The following KCNC3 variants were observed in gnomAD, a reference collection of about 807,000 sequenced individuals.
KCNC3 encodes voltage-gated potassium channel KCNC3.
KCNC3 carries 22 observed loss-of-function variants against 43.9 expected under a neutral mutation model. The observed-to-expected ratio is 0.50, with a 90% CI of 0.36 to 0.72. The LOEUF is 0.72. Among genes scored for constraint, KCNC3 ranks in the 30% least tolerant of loss-of-function variants. The probability of loss-of-function intolerance (pLI) is 0.00; values close to 1 mark genes in which losing one functional copy is unlikely to be tolerated. For synonymous variants in KCNC3, 492 were observed against 488.0 expected (o/e 1.01, Z -0.11); for missense variants, 829 against 1,073.8 (o/e 0.77, Z 3.19).
chr19:50,327,401 G>T (rs1006651263), intron 1 of KCNC3, among the ~76,000 whole-genome samples: 7 of 152,042 alleles, frequency 4.6e-5, no homozygotes, highest in Non-Finnish European at 8.8e-5. Flanking sequence ...GGGCCTGGAG[G>T]TTCCAACGGA....
intron 2 of KCNC3, among the ~76,000 whole-genome samples, 166 bp downstream of exon 2, chr19:50,322,807 CTG>C (rs1320533082): frequency 6.6e-6 from 1 of 152,212 alleles, no homozygotes; most frequent in Non-Finnish European, 1.5e-5. Context: ...ACCTATGTCT[CTG>C]TGTGATTATC....
intron 1 of KCNC3, 144 bp downstream of exon 1, chr19:50,328,069 G>A (rs2037127864): frequency 2.4e-6 from 1 of 412,614 alleles, no homozygotes; most frequent in South Asian, 1.1e-4. Flanking sequence ...AGGAGCCCAG[G>A]AGACTCAGGA....
Position 50,328,432 on chromosome 19 carries a change from T to TGGGGCGTTG in KCNC3, c.650_651insCAACGCCCC (p.Ala217_Gly218insAsnAlaPro). On this transcript the variant is annotated inframe_insertion, in exon 1 of 5. Coordinates refer to ENST00000477616, the MANE Select transcript of KCNC3 (RefSeq NM_004977.3). Reference sequence around the variant, plus strand: ...CGTCCAGGCCTCCGTCGTGGGCGCCTGCGGCGTTGGCGGCGTTGGCGGCGC... The same window carrying TGGGGCGTTG: ...CGTCCAGGCCTCCGTCGTGGGCGCCTGGGGCGTTGGCGGCGTTGGCGGCGTTGGCGGCGC... The TGGGGCGTTG allele has an allele frequency of 6.5e-7, 1 of 1,541,618 alleles. No individual in the cohort carries two copies. The highest frequency in any genetic ancestry group is 8.7e-7 in the Non-Finnish European group (1 of 1,146,808).
intron 4 of KCNC3, among the ~76,000 whole-genome samples, chr19:50,319,885 G>A (rs1483496201): frequency 2.0e-5 from 3 of 151,812 alleles, no homozygotes; most frequent in Non-Finnish European, 2.9e-5. Flanking sequence ...AGTGTTCTGG[G>A]TATGCCCTCC....
Position 50,328,651 on chromosome 19 carries a change from G to T in KCNC3, c.432C>A (p.Phe144Leu), listed in dbSNP as rs778302016. The T allele has an allele frequency of 6.2e-7, 1 of 1,611,438 alleles. No individual in the cohort carries two copies. The highest frequency in any genetic ancestry group is 1.7e-5 in the Admixed American group (1 of 59,914). ...EFFFDRHPGV[F>L]AYVLNYYRTG... ...TGCGGTAGTAGTTGAGCACGTACGC[G>T]AAGACTCCCGGGTGCCGGTCAAAGA... is the stretch of plus-strand genomic sequence containing the variant. The change falls in exon 1 of 5, where the codon TTC (phenylalanine) becomes TTA (leucine). Residue 144 changes from phenylalanine to leucine, a missense_variant. Around this residue, in one of 7 missense-constraint regions of KCNC3, gnomAD observed 121 missense variants for 247.4 expected, o/e 0.49. Coordinates refer to ENST00000477616, the MANE Select transcript of KCNC3 (RefSeq NM_004977.3).
In KCNC3 at chr19:50,314,763, TA is replaced by T; in HGVS notation, c.*1351del. ...TTATTAATGACTTTTTGATTTTTTT[TA>T]AAAAAACCCTTTTCCCCACCCCCCA... On this transcript the variant is annotated 3_prime_UTR_variant, in exon 5 of 5. Coordinates refer to ENST00000477616, the MANE Select transcript of KCNC3 (RefSeq NM_004977.3). The T allele has an allele frequency of 2.3e-6, 1 of 435,220 alleles. No homozygotes were observed. Among genetic ancestry groups the T allele is most frequent in the Non-Finnish European group, 4.6e-6 (1 of 218,542 alleles). 27.0% of individuals were successfully genotyped at this position (435,220 alleles called of 1,614,324 possible).
At chr19:50,317,660 C>T (rs549787786) in intron 4 of KCNC3, among the ~76,000 whole-genome samples, 20 of 152,230 alleles carry the variant, frequency 1.3e-4, no homozygotes, top group Admixed American at 1.1e-3. Flanking sequence ...CCTTGCTGTC[C>T]CTTGAACAAG....
chr19:50,318,125 G>A (rs370921570), intron 4 of KCNC3, among the ~76,000 whole-genome samples: 43 of 151,828 alleles, frequency 2.8e-4, no homozygotes, highest in East Asian at 2.1e-3. Flanking sequence ...CAGAGTAATA[G>A]TCTTGTTCTT....
At position 50,323,378 on chromosome 19, in the gene KCNC3, C is replaced by T. The variant is rs879397049; in HGVS notation, c.1575G>A (p.Leu525=). 8.7e-6 allele frequency: 14 copies of T among 1,614,176 alleles called. No individual in the cohort carries two copies. The highest frequency in any genetic ancestry group is 1.2e-5 in the Non-Finnish European group (14 of 1,180,030). Residue 525 remains leucine, a synonymous_variant, in exon 2 of 5, where the codon CTG becomes CTA. Coordinates refer to ENST00000477616, the MANE Select transcript of KCNC3 (RefSeq NM_004977.3). ...GCATGGCGATGGTCAGCACCCCCGCCAGGGCACACAGCGCCCCGACCAGCA... is the reference window on the plus strand; with the variant it reads ...GCATGGCGATGGTCAGCACCCCCGCTAGGGCACACAGCGCCCCGACCAGCA... ...SGMLVGALCA[L]AGVLTIAMPV...
chr19:50,323,672 C>T lies in KCNC3; in HGVS notation c.1281G>A (p.Leu427=). The T allele has an allele frequency of 6.2e-7, 1 of 1,614,172 alleles. No homozygotes were observed. Among genetic ancestry groups the T allele is most frequent in the Admixed American group, 1.7e-5 (1 of 60,024 alleles). ...RFVRILRIFK[L]TRHFVGLRVL... is the part of the protein sequence containing the mutation. ...CGCGCAGCCCCACGAAGTGCCGGGT[C>T]AGCTTGAAGATGCGCAGGATGCGGA... is the stretch of plus-strand genomic sequence containing the variant. The change falls in exon 2 of 5, where the codon CTG becomes CTA. Residue 427 remains leucine (L), a synonymous_variant. Coordinates refer to ENST00000477616, the MANE Select transcript of KCNC3 (RefSeq NM_004977.3).
At position 50,323,486 on chromosome 19, in the gene KCNC3, G is replaced by A; in HGVS notation, c.1467C>T (p.Asn489=). The A allele has an allele frequency of 2.5e-6, 4 of 1,614,212 alleles. No individual in the cohort carries two copies. Among genetic ancestry groups the A allele is most frequent in the Non-Finnish European group, 2.5e-6 (3 of 1,180,026 alleles). The change falls in exon 2 of 5, where the codon AAC becomes AAT. Residue 489 remains asparagine, a synonymous_variant. Coordinates refer to ENST00000477616, the MANE Select transcript of KCNC3 (RefSeq NM_004977.3). ...CAGCCCACCAGAAGCCAATGGGGAT[G>A]TTCTTGAAGTAGGTGTGGTTGGAGC... ...ILGSNHTYFK[N]IPIGFWWAVV...
intron 4 of KCNC3, among the ~76,000 whole-genome samples, chr19:50,317,143 G>A (rs1322593229): frequency 6.6e-6 from 1 of 151,638 alleles, no homozygotes; most frequent in South Asian, 2.1e-4. Flanking sequence ...GCAAGCAGGG[G>A]GAGGAGTTAG....
In KCNC3 at chr19:50,313,111, G is replaced by A. The variant is rs1326744804; in HGVS notation, c.*3004C>T. ...AAAAGGGGGGTCCGCTAAAGAGTCTGGGACCGGTGTGGTCTCTGGGCTTGG... is the reference window on the plus strand; with the variant it reads ...AAAAGGGGGGTCCGCTAAAGAGTCTAGGACCGGTGTGGTCTCTGGGCTTGG... On this transcript the variant is annotated 3_prime_UTR_variant, in exon 5 of 5. Coordinates refer to ENST00000477616, the MANE Select transcript of KCNC3 (RefSeq NM_004977.3). 1 of 152,172 alleles carries A rather than the reference G, an allele frequency of 6.6e-6. No individual in the cohort carries two copies. The highest frequency in any genetic ancestry group is 1.5e-5 in the Non-Finnish European group (1 of 68,038). 9.4% of individuals were successfully genotyped at this position (152,172 alleles called of 1,614,324 possible).
chr19:50,318,332 G>A (rs1420433948), intron 4 of KCNC3, among the ~76,000 whole-genome samples: 3 of 151,794 alleles, frequency 2.0e-5, no homozygotes, highest in Non-Finnish European at 4.4e-5. Context: ...CCACCACCAC[G>A]CATGGCTAAT....
rs2123513326 is a variant in KCNC3, at chr19:50,314,648, C to G, written c.*1467G>C. On this transcript the variant is annotated 3_prime_UTR_variant, in exon 5 of 5. Coordinates refer to ENST00000477616, the MANE Select transcript of KCNC3 (RefSeq NM_004977.3). ...TTTGGGGAGGGAAGAGTTGGGGGGA[C>G]GGGCTGTGGCCCCTCTCTCCATCCT... 1 of 339,854 alleles carries G rather than the reference C, an allele frequency of 2.9e-6. No homozygotes were observed. Among genetic ancestry groups the G allele is most frequent in the East Asian group, 1.2e-4 (1 of 8,500 alleles). The allele number at this position is 339,854 out of a possible 1,614,324, so 21.1% of individuals were successfully genotyped here.
Position 50,320,270 on chromosome 19 carries a change from G to T in KCNC3, c.2250C>A (p.Asn750Lys). 2.8e-6 allele frequency: 3 copies of T among 1,075,900 alleles called. No individual in the cohort carries two copies. The highest frequency in any genetic ancestry group is 3.7e-6 in the Non-Finnish European group (3 of 808,598). 66.6% of individuals were successfully genotyped at this position (1,075,900 alleles called of 1,614,324 possible). Residue 750 changes from asparagine to lysine, a missense_variant, in exon 4 of 5, where the codon AAC becomes AAA. Coordinates refer to ENST00000477616, the MANE Select transcript of KCNC3 (RefSeq NM_004977.3). ...PPSFLPDLNA[N>K]AAAWISP ...ACTAGGGGGATATCCAGGCCGCGGC[G>T]TTGGCGTTGAGGTCGGGCAAGAAGC...
At chr19:50,331,807 CT>C, upstream of KCNC3, among the ~76,000 whole-genome samples, 1 of 152,180 alleles carries the variant, frequency 6.6e-6, no homozygotes, top group Non-Finnish European at 1.5e-5. Context: ...GGGTCTCTCT[CT>C]TTCTAGGTCT....
intron 4 of KCNC3, among the ~76,000 whole-genome samples, chr19:50,318,159 TTTCTTC>T (rs369929369): frequency 0.045 from 6,768 of 151,636 alleles, 345 homozygotes; most frequent in African/African-American, 0.13. Flanking sequence ...AATTGCTTCT[TTTCTTC>T]TTCTTCTTCT....
At chr19:50,318,967 C>T (rs978063315) in intron 4 of KCNC3, among the ~76,000 whole-genome samples, 6 of 137,566 alleles carry the variant, frequency 4.4e-5, no homozygotes, top group Non-Finnish European at 6.1e-5. Context: ...GCACTCCAGC[C>T]CAGGTGACAT....
Sources: allele counts gnomAD v4.1 joint callset (sites outside exome capture counted in the v4.1 genomes callset), GRCh38; gene constraint gnomAD v4.1.1; regional missense constraint gnomAD v4.1.1; transcripts MANE v1.5; gene names NCBI Gene and HGNC (gene_info 2026-07-23, HGNC 2026-07-21).